The following AXIN2 variants were observed in gnomAD, a reference collection of about 807,000 sequenced individuals.
AXIN2 encodes the protein axin-2.
In AXIN2, 21 loss-of-function variants were observed where a neutral mutation model predicts 74.7. The ratio of observed to expected loss-of-function variants is 0.28; its 90% confidence interval spans 0.20 to 0.40. The LOEUF is 0.40. AXIN2 is among the 10% of genes least tolerant of loss of function. The probability of loss-of-function intolerance (pLI) is 1.00; values close to 1 mark genes in which losing one functional copy is unlikely to be tolerated. For synonymous variants in AXIN2, 532 were observed against 454.9 expected (o/e 1.17, Z -2.16); for missense variants, 1,144 against 1,111.1 (o/e 1.03, Z -0.42).
chr17:65,541,394 C>T (rs1567759175), intron 4 of AXIN2, 61 bp downstream of exon 4: 1 of 1,463,660 alleles, frequency 6.8e-7, no homozygotes, highest in Non-Finnish European at 9.6e-7. Context: ...CCACCCATTT[C>T]TTTTCTTTAG....
At chr17:65,548,002 C>A (rs2044140211) in intron 3 of AXIN2, among the ~76,000 whole-genome samples, 1 of 152,104 alleles carries the variant, frequency 6.6e-6, no homozygotes, top group Non-Finnish European at 1.5e-5. Context: ...AATGACAGAG[C>A]AAAATGTATT....
At position 65,536,992 on chromosome 17, in the gene AXIN2, C is replaced by T. The variant is rs2043935377; in HGVS notation, c.1784G>A (p.Arg595Lys). The T allele has an allele frequency of 1.2e-6, 2 of 1,612,576 alleles. No individual in the cohort carries two copies. Among genetic ancestry groups the T allele is most frequent in the Non-Finnish European group, 1.7e-6 (2 of 1,179,870 alleles). The change falls in exon 7 of 11, where the codon AGG becomes AAG. Residue 595 changes from arginine (R) to lysine (K), a missense_variant. Physicochemically the swap from Arg to Lys is conservative, Grantham distance 26. This residue lies in a region of AXIN2 where 1,053 missense variants were observed against 973.5 expected (regional missense o/e 1.08). Transcript: ENST00000307078. ...GTEPGLALPA[R>K]EGGAPGGAGA... The stretch of plus-strand genomic sequence containing the variant: ...AGCTCCGCCGGGGGCCCCTCCTTCC[C>T]TGGCGGGCAGGGCCAGGCCCGGCTC...
intron 9 of AXIN2, 149 bp from the exon 10 acceptor site, chr17:65,534,228 G>C: frequency 1.0e-6 from 1 of 974,666 alleles, no homozygotes; most frequent in Non-Finnish European, 1.6e-6. Flanking sequence ...CTGGGGCAGA[G>C]CCCCACATCC....
chr17:65,541,674 G>A (rs1473878779), intron 3 of AXIN2, 117 bp from the exon 4 acceptor site: 4 of 862,184 alleles, frequency 4.6e-6, no homozygotes, highest in East Asian at 2.5e-5. Flanking sequence ...TGCTTCCATA[G>A]GAGTGTCACA....
rs1475337539 is a variant in AXIN2 at position 65,558,615 on chromosome 17, A to C, written c.6T>G (p.Ser2Arg). MSSAMLVTCLPD... is the reference protein window; with the variant it reads MRSAMLVTCLPD... ...GGAGGCAAGTCACCAACATAGCGCTACTCATGGTGAGGGAGCTCTTCCCAC... is the reference window on the plus strand; with the variant it reads ...GGAGGCAAGTCACCAACATAGCGCTCCTCATGGTGAGGGAGCTCTTCCCAC... Residue 2 changes from serine (S) to arginine (R), a missense_variant, in exon 2 of 11, where the codon AGT (serine) becomes AGG (arginine). Around this residue, in one of 4 missense-constraint regions of AXIN2, gnomAD observed 23 missense variants for 20.8 expected, o/e 1.11. Transcript: ENST00000307078. 3.7e-6 allele frequency: 6 copies of C among 1,605,700 alleles called. No individual in the cohort carries two copies. Among genetic ancestry groups the C allele is most frequent in the East Asian group, 2.2e-5 (1 of 44,828 alleles).
rs1598119841 is a variant in AXIN2, at chr17:65,558,266, G to T, written c.355C>A (p.Gln119Lys). Residue 119 changes from glutamine (Q) to lysine (K), a missense_variant, in exon 2 of 11, where the codon CAG becomes AAG. Gln to Lys is a moderately conservative substitution (Grantham distance 53). Transcript: ENST00000307078. ...DFWFACNGFR[Q>K]MNLKDTKTLR... Reference sequence around the variant, plus strand: ...GTTTTGGTATCCTTCAGGTTCATCTGCCTGAATCCATTGCAGGCAAACCAG... The same window carrying T: ...GTTTTGGTATCCTTCAGGTTCATCTTCCTGAATCCATTGCAGGCAAACCAG... The T allele has an allele frequency of 6.8e-6, 11 of 1,614,118 alleles. No homozygotes were observed. Among genetic ancestry groups the T allele is most frequent in the Non-Finnish European group, 9.3e-6 (11 of 1,180,030 alleles).
chr17:65,528,986 G>A lies in AXIN2; in HGVS notation c.*990C>T. On this transcript the variant is annotated 3_prime_UTR_variant, in exon 11 of 11. Transcript: ENST00000307078. ...AACATCAAAATGAAGGTGTGTGGAG[G>A]AAAGGTGCTGCTGGGTCTCCCTACA... The A allele has an allele frequency of 1.1e-5, 3 of 270,634 alleles. No individual in the cohort carries two copies. The South Asian group carries it at 2.9e-4, about 27-fold the overall frequency. The allele number at this position is 270,634 out of a possible 1,614,324, so 16.8% of individuals were successfully genotyped here.
Position 65,537,009 on chromosome 17 carries a change from G to A in AXIN2, c.1767C>T (p.Gly589=). The change falls in exon 7 of 11, where the codon GGC becomes GGT. Residue 589 remains glycine, a synonymous_variant. Transcript: ENST00000307078. ...PKRNGKGTEP[G]LALPAREGGA... is the part of the protein sequence containing the mutation. ...CTCCTTCCCTGGCGGGCAGGGCCAG[G>A]CCCGGCTCCGTGCCTTTCCCATTGC... 6.2e-7 allele frequency: 1 copy of A among 1,611,362 alleles called. No individual in the cohort carries two copies.
chr17:65,549,447 G>A, intron 3 of AXIN2, 73 bp downstream of exon 3: 1 of 1,593,646 alleles, frequency 6.3e-7, no homozygotes, highest in Non-Finnish European at 8.6e-7. Flanking sequence ...GAGGATGACA[G>A]ACGATTCTGG....
chr17:65,528,975 GGT>G lies in AXIN2; in HGVS notation c.*999_*1000del, dbSNP rs1235248969. 3.7e-6 allele frequency: 1 copy of G among 272,234 alleles called. No homozygotes were observed. Among genetic ancestry groups the G allele is most frequent in the East Asian group, 5.8e-5 (1 of 17,150 alleles). 16.9% of individuals were successfully genotyped at this position (272,234 alleles called of 1,614,324 possible). On this transcript the variant is annotated 3_prime_UTR_variant, in exon 11 of 11. Transcript: ENST00000307078. ...ACAAAAACCCGAACATCAAAATGAA[GGT>G]GTGTGGAGGAAAGGTGCTGCTGGGT... is the stretch of plus-strand genomic sequence containing the variant.
At position 65,561,517 on chromosome 17, in the gene AXIN2, G is replaced by C. The variant is rs1373513501; in HGVS notation, c.-184C>G. ...GGCCCCGAAATCCATCGCTCTGAGG[G>C]GTTATTTTTATTTCCCGGCTCTCGG... On this transcript the variant is annotated 5_prime_UTR_variant, in exon 1 of 11. Coordinates refer to ENST00000307078, the MANE Select transcript of AXIN2 (RefSeq NM_004655.4). 1 of 150,640 alleles carries C rather than the reference G, an allele frequency of 6.6e-6. No homozygotes were observed. Among genetic ancestry groups the C allele is most frequent in the African/African-American group, 2.4e-5 (1 of 41,314 alleles). The allele number at this position is 150,640 out of a possible 1,614,324, so 9.3% of individuals were successfully genotyped here.
At chr17:65,536,260 A>C in intron 8 of AXIN2, 60 bp downstream of exon 8, 1 of 1,513,502 alleles carries the variant, frequency 6.6e-7, no homozygotes, top group Non-Finnish European at 9.0e-7. Context: ...TTAGCCACAG[A>C]CCAGGTCTCC....
chr17:65,538,546 T>G (rs1322595828), intron 4 of AXIN2, among the ~76,000 whole-genome samples: 3 of 151,908 alleles, frequency 2.0e-5, no homozygotes, highest in African/African-American at 7.3e-5. Context: ...CCACCAGCGT[T>G]TGCCTTGGGC....
intron 1 of AXIN2, chr17:65,559,998 G>A (rs1382846017): frequency 6.6e-6 from 1 of 152,200 alleles, no homozygotes; most frequent in East Asian, 1.9e-4. Context: ...TGTCCTCCGA[G>A]CCCCTCCGGC....
At chr17:65,537,111 TCC>T in intron 6 of AXIN2, 48 bp from the exon 7 acceptor site, 1 of 1,578,104 alleles carries the variant, frequency 6.3e-7, no homozygotes. Context: ...CGGTTAAATC[TCC>T]GGGACTCCTA....
Position 65,536,481 on chromosome 17 carries a change from G to C in AXIN2, c.1980C>G (p.His660Gln). 6.2e-7 allele frequency: 1 copy of C among 1,613,914 alleles called. No individual in the cohort carries two copies. The highest frequency in any genetic ancestry group is 8.5e-7 in the Non-Finnish European group (1 of 1,180,016). ...GCCCGCTGTTGCCCCCCCACAGATG[G>C]TGCCGGCTGGCTCGTTCGCCTGGAG... ...RSSPGERASRHHLWGGNSGHP... is the reference protein window; with the variant it reads ...RSSPGERASRQHLWGGNSGHP... Residue 660 changes from histidine to glutamine, a missense_variant, in exon 8 of 11, where the codon CAC becomes CAG. This residue lies in a region of AXIN2 where 1,053 missense variants were observed against 973.5 expected (regional missense o/e 1.08). Coordinates refer to ENST00000307078, the MANE Select transcript of AXIN2 (RefSeq NM_004655.4).
chr17:65,556,574 C>A (rs1434819978), intron 2 of AXIN2, among the ~76,000 whole-genome samples: 1 of 152,150 alleles, frequency 6.6e-6, no homozygotes, highest in Non-Finnish European at 1.5e-5. Flanking sequence ...ACAAGCGCGC[C>A]CCCTGGTGGT....
At position 65,537,313 on chromosome 17, in the gene AXIN2, C is replaced by G. The variant is rs1407362567; in HGVS notation, c.1712+11G>C. 1 of 1,613,838 alleles carries G rather than the reference C, an allele frequency of 6.2e-7. No homozygotes were observed. The highest frequency in any genetic ancestry group is 1.1e-5 in the South Asian group (1 of 91,058). On this transcript the variant is annotated intron_variant, in intron 6 of 10. Transcript: ENST00000307078. ...CCCCACACGGGACACTGCGGTCCGC[C>G]CGGCACTTACCCAAACTGCTCGCTG...
intron 3 of AXIN2, among the ~76,000 whole-genome samples, chr17:65,545,928 A>C (rs1011547609): frequency 6.6e-6 from 1 of 152,134 alleles, no homozygotes; most frequent in Non-Finnish European, 1.5e-5. Context: ...CCTCTTGCAA[A>C]GGCCCCCAGG....
Sources: gnomAD v4.1 joint callset for allele counts (sites outside exome capture counted in the v4.1 genomes callset) on GRCh38, gnomAD v4.1.1 for gene constraint, gnomAD v4.1.1 regional missense constraint, MANE v1.5 for transcripts, NCBI Gene and HGNC (gene_info 2026-07-23, HGNC 2026-07-21) for gene names.